The following RAP1A variants were observed in gnomAD, a reference collection of about 807,000 sequenced individuals.
RAP1A encodes the protein ras-related protein Rap-1A.
RAP1A carries 6 observed loss-of-function variants against 26.4 expected under a neutral mutation model. The ratio of observed to expected loss-of-function variants is 0.23; its 90% CI spans 0.12 to 0.45. The LOEUF (loss-of-function observed/expected upper bound fraction) is 0.45, where lower values mean the gene tolerates loss of function less well. Among genes scored for constraint, RAP1A ranks in the 20% least tolerant of loss-of-function variants. The pLI is 0.99. For missense variants in RAP1A, 121 were observed against 217.2 expected (o/e 0.56, Z 2.78); for synonymous variants, 73 against 79.4 (o/e 0.92, Z 0.43).
At chr1:111,630,285 T>C (rs547400214) in intron 1 of RAP1A, among the ~76,000 whole-genome samples, 6 of 152,336 alleles carry the variant, frequency 3.9e-5, no homozygotes, top group Admixed American at 3.9e-4. Flanking sequence ...CATACTCCTT[T>C]TGAATCAGCA....
chr1:111,690,915 G>A (rs187169755), intron 1 of RAP1A, among the ~76,000 whole-genome samples: 24 of 152,220 alleles, frequency 1.6e-4, no homozygotes. Flanking sequence ...AATTACTGTA[G>A]GATATTTTAA....
intron 7 of RAP1A, among the ~76,000 whole-genome samples, chr1:111,709,525 A>C (rs1191131294): frequency 1.3e-5 from 2 of 152,152 alleles, no homozygotes; most frequent in South Asian, 2.1e-4. Flanking sequence ...TGGGTTTTAA[A>C]AAATAGTAGT....
chr1:111,551,766 G>GTTTT (rs56257032), intron 1 of RAP1A, among the ~76,000 whole-genome samples: 118,298 of 148,930 alleles, frequency 0.79, 49,390 homozygotes, highest in Non-Finnish European at 0.93. Context: ...GTTTTGTTTT[G>GTTTT]TTTTTTTGAG....
At chr1:111,685,626 A>G (rs757477763) in intron 1 of RAP1A, among the ~76,000 whole-genome samples, 2 of 152,172 alleles carry the variant, frequency 1.3e-5, no homozygotes, top group Non-Finnish European at 2.9e-5. Context: ...AGGAAACAAC[A>G]TATGTTGGAG....
intron 1 of RAP1A, among the ~76,000 whole-genome samples, chr1:111,547,451 A>T (rs941213326): frequency 1.3e-5 from 2 of 152,134 alleles, no homozygotes; most frequent in Non-Finnish European, 2.9e-5. Flanking sequence ...AGTGATGTAC[A>T]AGGAGACTTC....
chr1:111,704,148 AT>A lies in RAP1A; in HGVS notation c.325-179del, dbSNP rs71078091. 0.3 allele frequency among the ~76,000 whole-genome samples: 40,958 copies of A among 136,728 alleles called. 5,696 individuals are homozygous for A. Among genetic ancestry groups the A allele is most frequent in the African/African-American group, 0.44 (16,157 of 36,594 alleles). The allele number at this position is 136,728 out of a possible 152,430, so 89.7% of individuals were successfully genotyped here. A position where few individuals can be genotyped will look rare whatever the true frequency, so the allele number is the denominator to read the frequency against. On this transcript the variant is annotated intron_variant, in intron 5 of 7. Coordinates refer to ENST00000369709, the MANE Select transcript of RAP1A (RefSeq NM_002884.4). ...ATATCTATGTAGTAGGATCTCTTCC[AT>A]TTTTTTTTTTTTTTTGTCTCTTCCT...
intron 1 of RAP1A, among the ~76,000 whole-genome samples, chr1:111,688,265 C>CTGTGTG (rs60277735): frequency 8.9e-5 from 12 of 135,430 alleles, no homozygotes; most frequent in Non-Finnish European, 1.2e-4. Context: ...CACAAGAAGT[C>CTGTGTG]TGTGTGTGTG....
chr1:111,641,667 G>A (rs1359642521), intron 1 of RAP1A, among the ~76,000 whole-genome samples: 2 of 152,014 alleles, frequency 1.3e-5, no homozygotes, highest in African/African-American at 4.8e-5. Flanking sequence ...ATGCACATAG[G>A]TCTTTGTAAT....
chr1:111,668,989 G>A (rs561131422), intron 1 of RAP1A, among the ~76,000 whole-genome samples: 101 of 141,810 alleles, frequency 7.1e-4, no homozygotes, highest in Non-Finnish European at 1.2e-3. Flanking sequence ...GTGCCACTGC[G>A]TTCCAGCCTG....
At chr1:111,705,464 C>CT (rs1001579243) in intron 6 of RAP1A, among the ~76,000 whole-genome samples, 6 of 152,136 alleles carry the variant, frequency 3.9e-5, no homozygotes, top group African/African-American at 1.4e-4. Context: ...GACCAGGTTA[C>CT]TTTAAACACC....
intron 1 of RAP1A, among the ~76,000 whole-genome samples, chr1:111,638,939 G>T (rs1659808142): frequency 6.6e-6 from 1 of 151,442 alleles, no homozygotes; most frequent in Non-Finnish European, 1.5e-5. Flanking sequence ...GGACTTTTAG[G>T]TCCAGGCAGT....
intron 1 of RAP1A, among the ~76,000 whole-genome samples, chr1:111,582,923 A>G (rs1354179073): frequency 6.6e-6 from 1 of 152,230 alleles, no homozygotes; most frequent in African/African-American, 2.4e-5. Flanking sequence ...GAACCTGGCT[A>G]TCTTGGGTTC....
At chr1:111,544,015 AT>A (rs1656945582) in intron 1 of RAP1A, among the ~76,000 whole-genome samples, 1 of 152,216 alleles carries the variant, frequency 6.6e-6, no homozygotes, top group South Asian at 2.1e-4. Flanking sequence ...CTAGGCATCT[AT>A]TGGAAGTCAT....
intron 1 of RAP1A, among the ~76,000 whole-genome samples, chr1:111,681,759 C>G (rs942251789): frequency 6.6e-6 from 1 of 152,146 alleles, no homozygotes; most frequent in South Asian, 2.1e-4. Context: ...AGAATGGAAC[C>G]AAGTTGGAAA....
chr1:111,570,483 G>A (rs560453035), intron 1 of RAP1A, among the ~76,000 whole-genome samples: 6 of 152,152 alleles, frequency 3.9e-5, no homozygotes, highest in African/African-American at 1.4e-4. Flanking sequence ...TGCCAAATGT[G>A]GGGGAGCAGG....
intron 1 of RAP1A, among the ~76,000 whole-genome samples, chr1:111,571,196 C>T (rs1372509370): frequency 1.3e-5 from 2 of 152,174 alleles, no homozygotes; most frequent in Admixed American, 6.5e-5. Flanking sequence ...AAAGGTGCAA[C>T]TTAGGAATAG....
chr1:111,708,773 G>A (rs572725225), intron 6 of RAP1A, among the ~76,000 whole-genome samples: 50 of 152,132 alleles, frequency 3.3e-4, no homozygotes, highest in African/African-American at 1.0e-3. Context: ...GTGTGTGCAC[G>A]TGTGTGTGTA....
intron 1 of RAP1A, among the ~76,000 whole-genome samples, chr1:111,667,437 C>T (rs1660828146): frequency 6.6e-6 from 1 of 152,094 alleles, no homozygotes; most frequent in African/African-American, 2.4e-5. Context: ...GTAATATCAG[C>T]ACTTTGGGAG....
intron 1 of RAP1A, among the ~76,000 whole-genome samples, chr1:111,688,206 G>A (rs56831458): frequency 0.044 from 6,508 of 146,852 alleles, 292 homozygotes; most frequent in African/African-American, 0.11. Context: ...AGGTTGACCA[G>A]TTTTTTCTTT....
Sources: gnomAD v4.1 joint callset for allele counts (sites outside exome capture counted in the v4.1 genomes callset) on GRCh38, gnomAD v4.1.1 for gene constraint, MANE v1.5 for transcripts, NCBI Gene and HGNC (gene_info 2026-07-23, HGNC 2026-07-21) for gene names.